The following EVX2 variants were observed in gnomAD, a reference collection of about 807,000 sequenced individuals.
EVX2 encodes homeobox even-skipped homolog protein 2.
Under a neutral mutation model 19.2 loss-of-function variants are expected in EVX2, and 10 were observed. The observed-to-expected ratio is 0.52, with a 90% CI of 0.32 to 0.89. The LOEUF (loss-of-function observed/expected upper bound fraction) is 0.89. Ranked by LOEUF, EVX2 falls within the 40% of genes least tolerant of loss-of-function variation. The probability of loss-of-function intolerance (pLI) is 0.03; values close to 1 mark genes in which losing one functional copy is unlikely to be tolerated. For synonymous variants in EVX2, 354 were observed against 328.4 expected (o/e 1.08, Z -0.84); for missense variants, 710 against 694.9 (o/e 1.02, Z -0.24).
In EVX2 at chr2:176,082,024, GAAAT is replaced by G. The variant is rs1488242648; in HGVS notation, c.699+150_699+153del. Reference sequence around the variant, plus strand: ...ACAACCGTTCGGATTCGGTGGCCGGGAAATAAATAAGCCAATTCCTTTGGTGACT... The same window carrying G: ...ACAACCGTTCGGATTCGGTGGCCGGGAAATAAGCCAATTCCTTTGGTGACT... On this transcript the variant is annotated intron_variant, in intron 2 of 2. Transcript: ENST00000308618. The surrounding 1 kb of genome is among the most constrained non-coding windows in gnomAD (Gnocchi z 5.2). Among the ~76,000 whole-genome samples, 2 of 152,230 alleles carry G rather than the reference GAAAT, an allele frequency of 1.3e-5. No homozygotes were observed. Among genetic ancestry groups the G allele is most frequent in the Non-Finnish European group, 2.9e-5 (2 of 68,042 alleles).
chr2:176,079,949 C>A lies in EVX2; in HGVS notation c.*158G>T. The A allele has an allele frequency of 1.4e-6, 1 of 734,614 alleles. No homozygotes were observed. The highest frequency in any genetic ancestry group is 3.4e-5 in the South Asian group (1 of 29,240). 45.5% of individuals were successfully genotyped at this position (734,614 alleles called of 1,614,324 possible). ...GGCTTTTGCGCCTGCTCCTTCTCCC[C>A]CAATTCGGAGCAGGTTCCCTTCGGC... On this transcript the variant is annotated 3_prime_UTR_variant, in exon 3 of 3. Coordinates refer to ENST00000308618, the MANE Select transcript of EVX2 (RefSeq NM_001080458.2). This position sits in a 1 kb window ranked among gnomAD's most constrained non-coding sequence, Gnocchi z 4.4.
Position 176,082,363 on chromosome 2 carries a change from T to C in EVX2, c.514A>G (p.Ser172Gly). 6.2e-7 allele frequency: 1 copy of C among 1,603,014 alleles called. No individual in the cohort carries two copies. Among genetic ancestry groups the C allele is most frequent in the Non-Finnish European group, 8.5e-7 (1 of 1,178,252 alleles). Residue 172 changes from serine (S) to glycine (G), a missense_variant, in exon 2 of 3, where the codon AGC becomes GGC. By Grantham distance (56) the Ser-to-Gly change is moderately conservative. Coordinates refer to ENST00000308618, the MANE Select transcript of EVX2 (RefSeq NM_001080458.2). The surrounding 1 kb of genome is among the most constrained non-coding windows in gnomAD (Gnocchi z 5.2). ...LGSLHGGSGG[S>G]GGSAALGGSG... Reference sequence around the variant, plus strand: ...CCACCCAGCGCCGCGCTCCCGCCGCTGCCTCCGCTGCCTCCATGCAGGCTT... The same window carrying C: ...CCACCCAGCGCCGCGCTCCCGCCGCCGCCTCCGCTGCCTCCATGCAGGCTT...
rs1689144291 is a variant in EVX2 at position 176,081,275 on chromosome 2, T to C, written c.700-437A>G. On this transcript the variant is annotated intron_variant, in intron 2 of 2. Transcript: ENST00000308618. This position sits in a 1 kb window ranked among gnomAD's most constrained non-coding sequence, Gnocchi z 5.9. ...TTCTGAGAGGTCGCCGCGCGAAGTCTTGAGCCCTCCGAACTGCAAGGACCT... is the reference window on the plus strand; with the variant it reads ...TTCTGAGAGGTCGCCGCGCGAAGTCCTGAGCCCTCCGAACTGCAAGGACCT... 6.6e-6 allele frequency among the ~76,000 whole-genome samples: 1 copy of C among 152,182 alleles called. No individual in the cohort carries two copies. Among genetic ancestry groups the C allele is most frequent in the Admixed American group, 6.5e-5 (1 of 15,282 alleles).
In EVX2 at chr2:176,083,232, C is replaced by T. The variant is rs933487405; in HGVS notation, c.427+118G>A. ...CGTCCCGCCCCCGCCCGTGCTAGCTCGGTGTAGCTTGCCTGTGGAGGGTCT... is the reference window on the plus strand; with the variant it reads ...CGTCCCGCCCCCGCCCGTGCTAGCTTGGTGTAGCTTGCCTGTGGAGGGTCT... On this transcript the variant is annotated intron_variant, in intron 1 of 2. Coordinates refer to ENST00000308618, the MANE Select transcript of EVX2 (RefSeq NM_001080458.2). This position sits in a 1 kb window ranked among gnomAD's most constrained non-coding sequence, Gnocchi z 4.4. 8 of 1,064,864 alleles carry T rather than the reference C, an allele frequency of 7.5e-6. No homozygotes were observed. The highest frequency in any genetic ancestry group is 2.6e-5 in the East Asian group (1 of 38,562). 66.0% of individuals were successfully genotyped at this position (1,064,864 alleles called of 1,614,324 possible).
rs949114077 is a variant in EVX2 at position 176,082,524 on chromosome 2, G to T, written c.428-75C>A. ...CCGGCGCTGGCGCTGCGCGCGGATC[G>T]GGGAAGCCCCGTCAGGAAGGAGAGT... On this transcript the variant is annotated intron_variant, in intron 1 of 2. Transcript: ENST00000308618. This position sits in a 1 kb window ranked among gnomAD's most constrained non-coding sequence, Gnocchi z 5.2. 1 of 1,471,390 alleles carries T rather than the reference G, an allele frequency of 6.8e-7. No homozygotes were observed. Among genetic ancestry groups the T allele is most frequent in the Middle Eastern group, 2.5e-4 (1 of 3,980 alleles). The allele number at this position is 1,471,390 out of a possible 1,614,324, so 91.1% of individuals were successfully genotyped here.
chr2:176,080,341 C>G lies in EVX2; in HGVS notation c.1197G>C (p.Ala399=). The change falls in exon 3 of 3, where the codon GCG becomes GCC. Residue 399 remains alanine (A), a synonymous_variant. Coordinates refer to ENST00000308618, the MANE Select transcript of EVX2 (RefSeq NM_001080458.2). The surrounding 1 kb of genome is among the most constrained non-coding windows in gnomAD (Gnocchi z 7.0). ...CLSCHSSQSA[A]AAAAAAAAAL... is the part of the protein sequence containing the mutation. ...CTGCGGCAGCTGCTGCCGCGGCTGC[C>G]GCCGCCGACTGACTGCTGTGGCAAC... 7.9e-7 allele frequency: 1 copy of G among 1,268,468 alleles called. No individual in the cohort carries two copies. Among genetic ancestry groups the G allele is most frequent in the Non-Finnish European group, 1.0e-6 (1 of 993,288 alleles). The allele number at this position is 1,268,468 out of a possible 1,614,324, so 78.6% of individuals were successfully genotyped here.
chr2:176,083,627 G>A lies in EVX2; in HGVS notation c.150C>T (p.Ser50=). 1 of 1,614,208 alleles carries A rather than the reference G, an allele frequency of 6.2e-7. No individual in the cohort carries two copies. Among genetic ancestry groups the A allele is most frequent in the Non-Finnish European group, 8.5e-7 (1 of 1,180,048 alleles). ...LENSQHPARL[S]PRLPSAPLHS... is the part of the protein sequence containing the mutation. ...GCAGGGGGGCAGACGGCAGGCGCGG[G>A]CTTAGGCGAGCCGGGTGCTGCGAAT... The change falls in exon 1 of 3, where the codon AGC becomes AGT. Residue 50 remains serine (S), a synonymous_variant. Coordinates refer to ENST00000308618, the MANE Select transcript of EVX2 (RefSeq NM_001080458.2). The surrounding 1 kb of genome is among the most constrained non-coding windows in gnomAD (Gnocchi z 4.4).
Position 176,079,475 on chromosome 2 carries a change from A to C in EVX2, c.*632T>G, listed in dbSNP as rs529939256. On this transcript the variant is annotated 3_prime_UTR_variant, in exon 3 of 3. Transcript: ENST00000308618. The surrounding 1 kb of genome is among the most constrained non-coding windows in gnomAD (Gnocchi z 4.4). Reference sequence around the variant, plus strand: ...CTGAACGTAGTAAACAATCTCACAAACAACCACCGCTGCCCACGCTCTCCA... The same window carrying C: ...CTGAACGTAGTAAACAATCTCACAACCAACCACCGCTGCCCACGCTCTCCA... 1 of 151,964 alleles carries C rather than the reference A, an allele frequency of 6.6e-6. No individual in the cohort carries two copies. Among genetic ancestry groups the C allele is most frequent in the Non-Finnish European group, 1.5e-5 (1 of 68,044 alleles). The allele number at this position is 151,964 out of a possible 1,614,324, so 9.4% of individuals were successfully genotyped here.
At position 176,079,981 on chromosome 2, in the gene EVX2, C is replaced by T; in HGVS notation, c.*126G>A. On this transcript the variant is annotated 3_prime_UTR_variant, in exon 3 of 3. Transcript: ENST00000308618. The surrounding 1 kb of genome is among the most constrained non-coding windows in gnomAD (Gnocchi z 4.4). ...GGAGCAGGTTCCCTTCGGCCTCCCG[C>T]GCCCCGGGGCGCCCCCTGGCGGCAG... The T allele has an allele frequency of 1.8e-6, 2 of 1,113,520 alleles. No individual in the cohort carries two copies. Among genetic ancestry groups the T allele is most frequent in the Non-Finnish European group, 2.3e-6 (2 of 864,058 alleles). The allele number at this position is 1,113,520 out of a possible 1,614,324, so 69.0% of individuals were successfully genotyped here.
rs1458289473 is a variant in EVX2, at chr2:176,082,136, G to GCC, written c.699+40_699+41dup. 2.0e-6 allele frequency: 3 copies of GCC among 1,496,634 alleles called. No individual in the cohort carries two copies. Among genetic ancestry groups the GCC allele is most frequent in the Non-Finnish European group, 2.7e-6 (3 of 1,126,148 alleles). The allele number at this position is 1,496,634 out of a possible 1,614,324, so 92.7% of individuals were successfully genotyped here. On this transcript the variant is annotated intron_variant, in intron 2 of 2. Transcript: ENST00000308618. This position sits in a 1 kb window ranked among gnomAD's most constrained non-coding sequence, Gnocchi z 5.2. ...GGAAAAAGAAACAATCAACCCAGAT[G>GCC]CCCCCGGGGAGGCCAGAGCAGGCAT...
rs765360165 is a variant in EVX2, at chr2:176,080,257, C to CCCGCCG, written c.1275_1280dup (p.Gly427_Gly428dup). 4.6e-5 allele frequency: 60 copies of CCCGCCG among 1,316,674 alleles called. No individual in the cohort carries two copies. Among genetic ancestry groups the CCCGCCG allele is most frequent in the Middle Eastern group, 5.7e-4 (2 of 3,498 alleles). 81.6% of individuals were successfully genotyped at this position (1,316,674 alleles called of 1,614,324 possible). On this transcript the variant is annotated inframe_insertion, in exon 3 of 3. Transcript: ENST00000308618. The surrounding 1 kb of genome is among the most constrained non-coding windows in gnomAD (Gnocchi z 7.0). ...CCGAGCCTCCCCCGGCCCCGGCGCC[C>CCCGCCG]CCGCCGCCGCCGCCACCACCACCAC... is the stretch of plus-strand genomic sequence containing the variant.
chr2:176,083,434 T>G lies in EVX2; in HGVS notation c.343A>C (p.Ser115Arg), dbSNP rs753138757. 6 of 1,613,836 alleles carry G rather than the reference T, an allele frequency of 3.7e-6. No homozygotes were observed. Among genetic ancestry groups the G allele is most frequent in the Non-Finnish European group, 5.1e-6 (6 of 1,179,982 alleles). ...YSEAAAEADMSSDVEVGCSAL... is the reference protein window; with the variant it reads ...YSEAAAEADMRSDVEVGCSAL... ...GAGCAGCCCACCTCCACGTCGCTGC[T>G]CATGTCGGCCTCAGCGGCCGCCTCT... The change falls in exon 1 of 3, where the codon AGC (serine) becomes CGC (arginine). Residue 115 changes from serine (S) to arginine (R), a missense_variant. Ser to Arg is a moderately radical substitution (Grantham distance 110). Coordinates refer to ENST00000308618, the MANE Select transcript of EVX2 (RefSeq NM_001080458.2). The surrounding 1 kb of genome is among the most constrained non-coding windows in gnomAD (Gnocchi z 4.4).
rs2105370671 is a variant in EVX2 at position 176,079,872 on chromosome 2, A to C, written c.*235T>G. On this transcript the variant is annotated 3_prime_UTR_variant, in exon 3 of 3. Coordinates refer to ENST00000308618, the MANE Select transcript of EVX2 (RefSeq NM_001080458.2). The surrounding 1 kb of genome is among the most constrained non-coding windows in gnomAD (Gnocchi z 4.4). Reference sequence around the variant, plus strand: ...AGCCAGAAAAGAGAGAGAAGGGCAGACGGCTGGGTGGCAAATACAAAAATA... The same window carrying C: ...AGCCAGAAAAGAGAGAGAAGGGCAGCCGGCTGGGTGGCAAATACAAAAATA... 2.5e-6 allele frequency: 1 copy of C among 397,186 alleles called. No homozygotes were observed. Among genetic ancestry groups the C allele is most frequent in the South Asian group, 6.4e-5 (1 of 15,558 alleles). 24.6% of individuals were successfully genotyped at this position (397,186 alleles called of 1,614,324 possible). A position where few individuals can be genotyped will look rare whatever the true frequency, so the allele number is the denominator to read the frequency against.
In EVX2 at chr2:176,080,274, C is replaced by T. The variant is rs1251641071; in HGVS notation, c.1264G>A (p.Gly422Ser). The change falls in exon 3 of 3, where the codon GGT becomes AGT. Residue 422 changes from glycine to serine, a missense_variant. By Grantham distance (56) the Gly-to-Ser change is moderately conservative (BLOSUM62 0). Transcript: ENST00000308618. The surrounding 1 kb of genome is among the most constrained non-coding windows in gnomAD (Gnocchi z 7.0). ...RGGGGGGGGG[G>S]GGGGGGAGAG... ...CCGGCGCCCCCGCCGCCGCCGCCAC[C>T]ACCACCACCGCCGCCGCCACCGCCA... is the stretch of plus-strand genomic sequence containing the variant. 8 of 1,310,442 alleles carry T rather than the reference C, an allele frequency of 6.1e-6. No homozygotes were observed. In the East Asian group the frequency reaches 2.6e-4, roughly 43 times the overall value. 81.2% of individuals were successfully genotyped at this position (1,310,442 alleles called of 1,614,324 possible).
Position 176,078,590 on chromosome 2 carries a change from AGAT to A in EVX2, c.*1514_*1516del, listed in dbSNP as rs759577036. ...TTACCAAAATGAAAATCGGCAATTGAGATGATAAGAACGTGGCTTTCTTCTGCG... is the reference window on the plus strand; with the variant it reads ...TTACCAAAATGAAAATCGGCAATTGAGATAAGAACGTGGCTTTCTTCTGCG... On this transcript the variant is annotated 3_prime_UTR_variant, in exon 3 of 3. Transcript: ENST00000308618. 7 of 152,354 alleles carry A rather than the reference AGAT, an allele frequency of 4.6e-5. No individual in the cohort carries two copies. The highest frequency in any genetic ancestry group is 3.4e-3 in the Middle Eastern group (1 of 294). The allele number at this position is 152,354 out of a possible 1,614,324, so 9.4% of individuals were successfully genotyped here. A position where few individuals can be genotyped will look rare whatever the true frequency, so the allele number is the denominator to read the frequency against.
In EVX2 at chr2:176,080,016, C is replaced by T; in HGVS notation, c.*91G>A. 1 of 1,284,804 alleles carries T rather than the reference C, an allele frequency of 7.8e-7. No individual in the cohort carries two copies. Among genetic ancestry groups the T allele is most frequent in the Non-Finnish European group, 9.9e-7 (1 of 1,006,012 alleles). 79.6% of individuals were successfully genotyped at this position (1,284,804 alleles called of 1,614,324 possible). On this transcript the variant is annotated 3_prime_UTR_variant, in exon 3 of 3. Coordinates refer to ENST00000308618, the MANE Select transcript of EVX2 (RefSeq NM_001080458.2). This position sits in a 1 kb window ranked among gnomAD's most constrained non-coding sequence, Gnocchi z 7.0. ...CGCCCCCTGGCGGCAGCGGCAGCAGCGGGCAACGCGCGGAGGGCTCAGGGG... is the reference window on the plus strand; with the variant it reads ...CGCCCCCTGGCGGCAGCGGCAGCAGTGGGCAACGCGCGGAGGGCTCAGGGG...
In EVX2 at chr2:176,080,374, C is replaced by G. The variant is rs757906013; in HGVS notation, c.1164G>C (p.Ser388=). The G allele has an allele frequency of 4.3e-4, 526 of 1,219,346 alleles. No homozygotes were observed. Among genetic ancestry groups the G allele is most frequent in the Non-Finnish European group, 5.0e-4 (481 of 965,494 alleles). 75.5% of individuals were successfully genotyped at this position (1,219,346 alleles called of 1,614,324 possible). Residue 388 remains serine, a synonymous_variant, in exon 3 of 3, where the codon TCG becomes TCC. Coordinates refer to ENST00000308618, the MANE Select transcript of EVX2 (RefSeq NM_001080458.2). This position sits in a 1 kb window ranked among gnomAD's most constrained non-coding sequence, Gnocchi z 7.0. ...APPSGGSAPC[S]CLSCHSSQSA... ...ACTGACTGCTGTGGCAACTGAGGCA[C>G]GAGCAGGGTGCAGAGCCGCCGCTGG... is the stretch of plus-strand genomic sequence containing the variant.
In EVX2 at chr2:176,080,873, G is replaced by A; in HGVS notation, c.700-35C>T. ...GAGACGCGCCGCAGCCTGGGTTAGG[G>A]AGCGCCCCGTGTTCCCAGCTCCTGT... On this transcript the variant is annotated intron_variant, in intron 2 of 2. Transcript: ENST00000308618. This position sits in a 1 kb window ranked among gnomAD's most constrained non-coding sequence, Gnocchi z 7.0. 1 of 1,585,072 alleles carries A rather than the reference G, an allele frequency of 6.3e-7. No homozygotes were observed. Among genetic ancestry groups the A allele is most frequent in the Non-Finnish European group, 8.6e-7 (1 of 1,167,534 alleles).
rs781619146 is a variant in EVX2, at chr2:176,083,472, G to A, written c.305C>T (p.Pro102Leu). Reference protein sequence around the residue: ...ISSAAESRKKPGHYSEAAAEA... With the variant: ...ISSAAESRKKLGHYSEAAAEA... Reference sequence around the variant, plus strand: ...AGCGGCCGCCTCTGAATAATGGCCCGGCTTCTTGCGGCTCTCGGCGGCGGA... The same window carrying A: ...AGCGGCCGCCTCTGAATAATGGCCCAGCTTCTTGCGGCTCTCGGCGGCGGA... The change falls in exon 1 of 3, where the codon CCG (proline) becomes CTG (leucine). Residue 102 changes from proline (P) to leucine (L), a missense_variant. Physicochemically the swap from Pro to Leu is moderately conservative, Grantham distance 98. Coordinates refer to ENST00000308618, the MANE Select transcript of EVX2 (RefSeq NM_001080458.2). The surrounding 1 kb of genome is among the most constrained non-coding windows in gnomAD (Gnocchi z 4.4). 4 of 1,614,140 alleles carry A rather than the reference G, an allele frequency of 2.5e-6. No homozygotes were observed. The highest frequency in any genetic ancestry group is 3.4e-6 in the Non-Finnish European group (4 of 1,180,042).
Sources: allele counts gnomAD v4.1 joint callset (sites outside exome capture counted in the v4.1 genomes callset), GRCh38; gene constraint gnomAD v4.1.1; non-coding constraint Gnocchi (gnomAD v3.1); transcripts MANE v1.5; gene names NCBI Gene and HGNC (gene_info 2026-07-23, HGNC 2026-07-21).